The following STON2 variants were observed in gnomAD, a reference collection of about 807,000 sequenced individuals.
STON2 encodes the protein stonin 2.
Under a neutral mutation model 65.7 loss-of-function variants are expected in STON2, and 29 were observed. The ratio of observed to expected loss-of-function variants is 0.44; its 90% confidence interval spans 0.33 to 0.60. The LOEUF (loss-of-function observed/expected upper bound fraction) is 0.60. Ranked by LOEUF, STON2 falls within the 20% of genes least tolerant of loss-of-function variation. STON2 has a pLI of 0.03. For missense variants in STON2, 1,054 were observed against 1,118.1 expected, an observed-to-expected ratio of 0.94 and a Z score of 0.82; for synonymous variants, 404 against 414.2, an observed-to-expected ratio of 0.98 and a Z score of 0.30.
intron 5 of STON2, among the ~76,000 whole-genome samples, chr14:81,287,615 A>G (rs926990489): frequency 1.3e-5 from 2 of 152,146 alleles, no homozygotes; most frequent in Admixed American, 1.3e-4. Flanking sequence ...TTTTGCTCAG[A>G]AAAGCAAGCA....
At chr14:81,355,611 C>G (rs181151624) in intron 4 of STON2, among the ~76,000 whole-genome samples, 2 of 152,280 alleles carry the variant, frequency 1.3e-5, no homozygotes, top group Admixed American at 1.3e-4. Context: ...GAGTTCATTG[C>G]CAGTATGCCT....
intron 5 of STON2, chr14:81,323,640 T>C (rs1041785233): frequency 2.0e-5 from 3 of 152,230 alleles, no homozygotes; most frequent in African/African-American, 4.8e-5. Flanking sequence ...ACACTTAAGC[T>C]ACATTTCAAT....
chr14:81,265,917 A>C lies in STON2; in HGVS notation c.*2497T>G. 1.0e-6 allele frequency: 1 copy of C among 985,332 alleles called. No homozygotes were observed. Among genetic ancestry groups the C allele is most frequent in the Admixed American group, 6.1e-5 (1 of 16,262 alleles). The allele number at this position is 985,332 out of a possible 1,614,324, so 61.0% of individuals were successfully genotyped here. On this transcript the variant is annotated 3_prime_UTR_variant, in exon 8 of 8. Transcript: ENST00000614646. ...GTGAGTGACTAAGGAAGGTGCTGGG[A>C]TGAGCTTCATTTCCCTTGCCAACTC...
intron 1 of STON2, among the ~76,000 whole-genome samples, chr14:81,399,878 CATA>C (rs368872589): frequency 9.2e-5 from 14 of 152,066 alleles, no homozygotes; most frequent in Non-Finnish European, 1.3e-4. Flanking sequence ...GACTTTTCTT[CATA>C]ATAAGATCTC....
At chr14:81,363,987 T>C (rs1334450612) in intron 4 of STON2, among the ~76,000 whole-genome samples, 1 of 152,212 alleles carries the variant, frequency 6.6e-6, no homozygotes, top group Non-Finnish European at 1.5e-5. Flanking sequence ...GCGATGATCT[T>C]ATTAAATAAT....
chr14:81,342,664 G>GT (rs1205857318), intron 4 of STON2, among the ~76,000 whole-genome samples: 1 of 152,130 alleles, frequency 6.6e-6, no homozygotes, highest in Admixed American at 6.5e-5. Context: ...GAGCAGCATG[G>GT]TCCACGCTTA....
rs764416944 is a variant in STON2 at position 81,277,157 on chromosome 14, G to T, written c.2325C>A (p.Asp775Glu). The stretch of plus-strand genomic sequence containing the variant: ...TCTCACAGGGAACCTGAGTGAGGGG[G>T]TCACGATTGGCGGAGAAGCCAGTTG... ...RMSTGFSANR[D>E]PLTQVPCENV... Residue 775 changes from aspartate (D) to glutamate (E), a missense_variant, in exon 6 of 8, where the codon GAC becomes GAA. Transcript: ENST00000614646. The T allele has an allele frequency of 6.2e-7, 1 of 1,614,216 alleles. No homozygotes were observed. Among genetic ancestry groups the T allele is most frequent in the Non-Finnish European group, 8.5e-7 (1 of 1,180,040 alleles).
chr14:81,378,169 T>C (rs972040602), intron 3 of STON2, among the ~76,000 whole-genome samples: 2 of 151,750 alleles, frequency 1.3e-5, no homozygotes, highest in Non-Finnish European at 1.5e-5. Flanking sequence ...TAATGGGAAC[T>C]TTTTACTGTT....
intron 3 of STON2, among the ~76,000 whole-genome samples, chr14:81,374,871 G>A (rs1387054487): frequency 6.6e-6 from 1 of 152,094 alleles, no homozygotes; most frequent in Non-Finnish European, 1.5e-5. Flanking sequence ...TTACTTGTCA[G>A]ATTAGAAATT....
At chr14:81,354,666 T>A (rs1306689498) in intron 4 of STON2, among the ~76,000 whole-genome samples, 2 of 151,788 alleles carry the variant, frequency 1.3e-5, no homozygotes, top group Admixed American at 1.3e-4. Context: ...GACAAAAAAA[T>A]AGAAACAACA....
Position 81,278,250 on chromosome 14 carries a change from C to G in STON2, c.1232G>C (p.Ser411Thr). 1 of 1,614,100 alleles carries G rather than the reference C, an allele frequency of 6.2e-7. No homozygotes were observed. ...NSSISSTTGKSQRDSLIVIYQ... is the reference protein window; with the variant it reads ...NSSISSTTGKTQRDSLIVIYQ... ...GATGACAATGAGGGAATCTCTTTGG[C>G]TTTTGCCCGTGGTACTGGAAATGGA... is the stretch of plus-strand genomic sequence containing the variant. Residue 411 changes from serine (S) to threonine (T), a missense_variant, in exon 6 of 8, where the codon AGC becomes ACC. Transcript: ENST00000614646.
chr14:81,418,249 G>A (rs1456777544), intron 2 of STON2: 1 of 152,714 alleles, frequency 6.5e-6, no homozygotes, highest in Non-Finnish European at 1.5e-5. Context: ...AGCAGGCAAA[G>A]AGAGAGAGCC....
chr14:81,265,456 A>C lies in STON2; in HGVS notation c.*2958T>G. On this transcript the variant is annotated 3_prime_UTR_variant, in exon 8 of 8. Transcript: ENST00000614646. ...TATCACCTGAGGTCAGACATTCGAG[A>C]CCAGCCTGGCCAACATGGTGAAACC... 1 of 589,348 alleles carries C rather than the reference A, an allele frequency of 1.7e-6. No individual in the cohort carries two copies. Among genetic ancestry groups the C allele is most frequent in the Non-Finnish European group, 2.1e-6 (1 of 468,432 alleles). The allele number at this position is 589,348 out of a possible 1,614,324, so 36.5% of individuals were successfully genotyped here.
At chr14:81,355,626 T>A (rs979713376) in intron 4 of STON2, among the ~76,000 whole-genome samples, 1 of 152,188 alleles carries the variant, frequency 6.6e-6, no homozygotes, top group South Asian at 2.1e-4. Context: ...ATGCCTACCT[T>A]ATAGGTACTG....
At chr14:81,289,400 A>G (rs1895466941) in intron 5 of STON2, among the ~76,000 whole-genome samples, 2 of 152,182 alleles carry the variant, frequency 1.3e-5, no homozygotes, top group Non-Finnish European at 2.9e-5. Context: ...ATTAGGGAAT[A>G]AGTGGGGGAC....
intron 4 of STON2, among the ~76,000 whole-genome samples, chr14:81,356,176 C>T (rs1474600240): frequency 1.3e-5 from 2 of 152,260 alleles, no homozygotes; most frequent in Admixed American, 6.5e-5. Flanking sequence ...TTTTGAGATA[C>T]GTCCTATCAA....
In STON2 at chr14:81,265,528, G is replaced by A; in HGVS notation, c.*2886C>T. The A allele has an allele frequency of 3.4e-6, 1 of 292,664 alleles. No individual in the cohort carries two copies. The highest frequency in any genetic ancestry group is 5.1e-6 in the Non-Finnish European group (1 of 196,998). 18.1% of individuals were successfully genotyped at this position (292,664 alleles called of 1,614,324 possible). ...AAATTAGTGGTGCATGGTGGCAGGC[G>A]CCTGTAATCCCAGCTACTCAGGAGG... On this transcript the variant is annotated 3_prime_UTR_variant, in exon 8 of 8. Coordinates refer to ENST00000614646, the MANE Select transcript of STON2 (RefSeq NM_001394390.1).
At chr14:81,310,916 G>A (rs957293942) in intron 5 of STON2, among the ~76,000 whole-genome samples, 2 of 152,034 alleles carry the variant, frequency 1.3e-5, no homozygotes, top group African/African-American at 4.8e-5. Flanking sequence ...ACTTTTCATA[G>A]GTGTTTTTCT....
At chr14:81,396,238 A>G (rs2140437929) in intron 2 of STON2, 60 bp from the exon 3 acceptor site, 1 of 1,515,922 alleles carries the variant, frequency 6.6e-7, no homozygotes, top group South Asian at 1.3e-5. Flanking sequence ...GAGCCATCTC[A>G]TGGAGGCAAA....
Sources: gnomAD v4.1 joint callset for allele counts (sites outside exome capture counted in the v4.1 genomes callset) on GRCh38, gnomAD v4.1.1 for gene constraint, MANE v1.5 for transcripts, NCBI Gene and HGNC (gene_info 2026-07-23, HGNC 2026-07-21) for gene names.